Variants in CDH13 observed in about 807,000 individuals in gnomAD.
CDH13 encodes the protein cadherin-13.
CDH13 carries 24 observed loss-of-function variants against 63.8 expected under a neutral mutation model. The observed-to-expected ratio is 0.38, with a 90% CI of 0.27 to 0.53. The LOEUF (loss-of-function observed/expected upper bound fraction) is 0.53, where lower values mean the gene tolerates loss of function less well. CDH13 is among the 20% of genes least tolerant of loss of function. CDH13 has a pLI of 0.85. For synonymous variants in CDH13, 503 were observed against 355.3 expected (o/e 1.42, Z -4.67); for missense variants, 1,049 against 903.1 (o/e 1.16, Z -2.07).
chr16:83,534,771 C>G (rs528886830), intron 7 of CDH13, among the ~76,000 whole-genome samples: 1 of 152,190 alleles, frequency 6.6e-6, no homozygotes, highest in Non-Finnish European at 1.5e-5. Flanking sequence ...ATGAGCAATG[C>G]TGCTATGAGC....
chr16:82,937,085 C>G (rs1160405795), intron 2 of CDH13, among the ~76,000 whole-genome samples: 3 of 152,162 alleles, frequency 2.0e-5, no homozygotes, highest in Non-Finnish European at 4.4e-5. Flanking sequence ...GCTCTCCATT[C>G]TGTTTTAAGA....
intron 5 of CDH13, among the ~76,000 whole-genome samples, chr16:83,340,545 C>A (rs965280967): frequency 6.6e-6 from 1 of 152,198 alleles, no homozygotes; most frequent in Non-Finnish European, 1.5e-5. Flanking sequence ...CCATCTCCAA[C>A]CCCTGTGTCT....
rs1221000673 is a variant in CDH13, at chr16:83,445,073, C to G, written c.782-41404C>G. 3.9e-5 allele frequency among the ~76,000 whole-genome samples: 6 copies of G among 151,986 alleles called. No homozygotes were observed. In the East Asian group the frequency reaches 7.8e-4, roughly 20 times the overall value. ...TTGCCTTTCAGGGATTATTTATATT[C>G]TTAATTTTTGATATTTTTCATGGCA... On this transcript the variant is annotated intron_variant, in intron 6 of 13. Transcript: ENST00000567109.
intron 5 of CDH13, among the ~76,000 whole-genome samples, chr16:83,308,055 C>G (rs1477142140): frequency 2.0e-5 from 3 of 152,120 alleles, no homozygotes; most frequent in African/African-American, 7.2e-5. Flanking sequence ...AGCCAAATAA[C>G]TAATTGTAAA....
intron 10 of CDH13, among the ~76,000 whole-genome samples, chr16:83,697,896 C>T (rs1905625787): frequency 6.6e-6 from 1 of 152,244 alleles, no homozygotes; most frequent in South Asian, 2.1e-4. Flanking sequence ...GTCTGCCCCG[C>T]CTCGGCCTCC....
chr16:83,379,938 T>TATATAGAGAGAGAGAGAGAGAG, intron 6 of CDH13, among the ~76,000 whole-genome samples: 162 of 123,444 alleles, frequency 1.3e-3, no homozygotes, highest in Non-Finnish European at 2.0e-3. Context: ...TATATATATA[T>TATATAGAGAGAGAGAGAGAGAG]AGAGAGAGAG....
intron 3 of CDH13, among the ~76,000 whole-genome samples, chr16:83,059,386 A>G (rs1318161729): frequency 6.6e-6 from 1 of 152,104 alleles, no homozygotes; most frequent in Non-Finnish European, 1.5e-5. Flanking sequence ...GGGCAGGATG[A>G]TTTGCAGTCA....
intron 4 of CDH13, among the ~76,000 whole-genome samples, chr16:83,164,448 T>A (rs2037576672): frequency 6.6e-6 from 1 of 151,978 alleles, no homozygotes; most frequent in South Asian, 2.1e-4. Flanking sequence ...TCTAAGCAGG[T>A]GATTTTGATT....
At chr16:83,527,096 C>G (rs1352253202) in intron 7 of CDH13, among the ~76,000 whole-genome samples, 4 of 151,696 alleles carry the variant, frequency 2.6e-5, no homozygotes, top group Admixed American at 2.0e-4. Flanking sequence ...ATGCCACTGC[C>G]CTGCAGCCTG....
At chr16:82,975,319 A>G (rs1909350013) in intron 2 of CDH13, among the ~76,000 whole-genome samples, 2 of 152,174 alleles carry the variant, frequency 1.3e-5, no homozygotes, top group African/African-American at 4.8e-5. Flanking sequence ...TTGTGAGGAC[A>G]CAGGGCTGTG....
intron 2 of CDH13, among the ~76,000 whole-genome samples, chr16:82,919,695 A>G (rs1042332768): frequency 1.1e-4 from 16 of 152,184 alleles, no homozygotes; most frequent in Admixed American, 1.0e-3. Context: ...ATTTTAAAAG[A>G]AATGGAGAAG....
intron 1 of CDH13, among the ~76,000 whole-genome samples, chr16:82,652,727 G>A (rs1414066399): frequency 6.8e-6 from 1 of 146,520 alleles, no homozygotes; most frequent in Non-Finnish European, 1.5e-5. Flanking sequence ...TTTTTTTCTG[G>A]TTAAAACCAA....
At chr16:83,050,946 C>G (rs974847407) in intron 3 of CDH13, among the ~76,000 whole-genome samples, 1 of 152,164 alleles carries the variant, frequency 6.6e-6, no homozygotes, top group Non-Finnish European at 1.5e-5. Flanking sequence ...CTTATCCTTT[C>G]TCTCTCTCCC....
At chr16:83,003,184 C>G (rs529327400) in intron 2 of CDH13, among the ~76,000 whole-genome samples, 74 of 152,238 alleles carry the variant, frequency 4.9e-4, no homozygotes, top group Non-Finnish European at 7.9e-4. Context: ...ATATGACAGT[C>G]TTGATAAGCC....
At chr16:83,508,449 TC>T in intron 7 of CDH13, 1 of 153,472 alleles carries the variant, frequency 6.5e-6, no homozygotes, top group Non-Finnish European at 1.5e-5. Context: ...AACCCACCAC[TC>T]CCATACAGGC....
chr16:82,721,288 G>T (rs1032113770), intron 1 of CDH13, among the ~76,000 whole-genome samples: 1 of 152,142 alleles, frequency 6.6e-6, no homozygotes, highest in Non-Finnish European at 1.5e-5. Flanking sequence ...AATGTACCAT[G>T]ATCTAGTATT....
chr16:82,650,590 G>A (rs572841216), intron 1 of CDH13, among the ~76,000 whole-genome samples: 6 of 152,216 alleles, frequency 3.9e-5, no homozygotes, highest in Admixed American at 1.3e-4. Context: ...AAAATGTCCC[G>A]CTGTTGGGAT....
At chr16:83,376,593 C>G (rs150258745) in intron 6 of CDH13, among the ~76,000 whole-genome samples, 7 of 152,192 alleles carry the variant, frequency 4.6e-5, no homozygotes, top group African/African-American at 1.7e-4. Context: ...AGAGGAACAT[C>G]TAACTCGGTG....
intron 4 of CDH13, among the ~76,000 whole-genome samples, chr16:83,184,117 CACACACACAT>C (rs1204118274): frequency 1.4e-4 from 20 of 146,616 alleles, no homozygotes; most frequent in African/African-American, 4.5e-4. Flanking sequence ...CACACACACA[CACACACACAT>C]ACACACACAC....
Sources: gnomAD v4.1 joint callset for allele counts (sites outside exome capture counted in the v4.1 genomes callset) on GRCh38, gnomAD v4.1.1 for gene constraint, MANE v1.5 for transcripts, NCBI Gene and HGNC (gene_info 2026-07-23, HGNC 2026-07-21) for gene names.